The following ACVR1B variants were observed in gnomAD, a reference collection of about 807,000 sequenced individuals.
The protein encoded by ACVR1B is activin receptor type-1B.
ACVR1B carries 15 observed loss-of-function variants against 55.6 expected under a neutral mutation model. The ratio of observed to expected loss-of-function variants is 0.27; its 90% CI spans 0.18 to 0.42. The LOEUF is 0.42. ACVR1B is among the 10% of genes least tolerant of loss of function. The pLI, the probability that ACVR1B is intolerant of heterozygous loss-of-function variation, is 1.00. For synonymous variants in ACVR1B, 247 were observed against 254.6 expected, an observed-to-expected ratio of 0.97 and a Z score of 0.28; for missense variants, 359 against 670.1, an observed-to-expected ratio of 0.54 and a Z score of 5.13.
intron 8 of ACVR1B, chr12:51,992,385 C>T (rs1029431097): frequency 3.4e-5 from 9 of 262,614 alleles, no homozygotes; most frequent in African/African-American, 2.0e-4. Flanking sequence ...CCTGTAGTCC[C>T]AGGTACTTGG....
At chr12:51,987,038 G>A in intron 7 of ACVR1B, 96 bp downstream of exon 7, 2 of 1,537,434 alleles carry the variant, frequency 1.3e-6, no homozygotes, top group South Asian at 1.1e-5. Flanking sequence ...ACAACCTGTT[G>A]GATGCCTGTT....
At chr12:51,987,218 C>T (rs566575017) in intron 7 of ACVR1B, 38 of 657,978 alleles carry the variant, frequency 5.8e-5, no homozygotes, top group East Asian at 3.8e-4. Flanking sequence ...TTTATTAGTC[C>T]GTGGCGGGGA....
intron 3 of ACVR1B, among the ~76,000 whole-genome samples, chr12:51,980,364 C>T (rs540568400): frequency 6.6e-6 from 1 of 152,214 alleles, no homozygotes; most frequent in African/African-American, 2.4e-5. Flanking sequence ...TTGAATGAGT[C>T]AAATGAAGCA....
At chr12:51,973,201 G>C (rs1305104795) in intron 1 of ACVR1B, among the ~76,000 whole-genome samples, 1 of 152,216 alleles carries the variant, frequency 6.6e-6, no homozygotes, top group African/African-American at 2.4e-5. Flanking sequence ...CCTCTAATTG[G>C]TGGGCTCTGG....
Position 51,994,360 on chromosome 12 carries a change from A to G in ACVR1B, c.*250A>G. The G allele has an allele frequency of 2.3e-6, 1 of 439,648 alleles. No individual in the cohort carries two copies. Among genetic ancestry groups the G allele is most frequent in the Non-Finnish European group, 4.1e-6 (1 of 244,116 alleles). 27.2% of individuals were successfully genotyped at this position (439,648 alleles called of 1,614,324 possible). On this transcript the variant is annotated 3_prime_UTR_variant, in exon 9 of 9. Transcript: ENST00000257963. The surrounding 1 kb of genome is among the most constrained non-coding windows in gnomAD (Gnocchi z 4.2). ...CGAATTGTGTGGAGAACTCAGTGCC[A>G]CACCTCGAACTGGTTGTAGTGGGAA...
rs1941834107 is a variant in ACVR1B, at chr12:51,975,605, A to G, written c.331+101A>G. ...TTGCCCACTCACTTGGTTTGACGAT[A>G]AAGATGCCTTTTGGATGTTCCCGAA... On this transcript the variant is annotated intron_variant, in intron 2 of 8. Transcript: ENST00000257963. 6.2e-6 allele frequency: 9 copies of G among 1,446,712 alleles called. No homozygotes were observed. In the East Asian group the frequency reaches 2.2e-4, roughly 35 times the overall value. The allele number at this position is 1,446,712 out of a possible 1,614,324, so 89.6% of individuals were successfully genotyped here. A position where few individuals can be genotyped will look rare whatever the true frequency, so the allele number is the denominator to read the frequency against.
chr12:51,959,049 A>G (rs1941465590), intron 1 of ACVR1B, among the ~76,000 whole-genome samples: 1 of 152,240 alleles, frequency 6.6e-6, no homozygotes, highest in African/African-American at 2.4e-5. Flanking sequence ...GGTGGACAAT[A>G]AACAAAAGTA....
At chr12:51,951,916 C>T in intron 1 of ACVR1B, 82 bp downstream of exon 1, 2 of 860,300 alleles carry the variant, frequency 2.3e-6, no homozygotes, top group Non-Finnish European at 3.1e-6. Flanking sequence ...CGCTGGACTA[C>T]AGCGCGCCCC....
At chr12:51,986,438 G>GTT (rs983067906) in intron 6 of ACVR1B, among the ~76,000 whole-genome samples, 1 of 152,046 alleles carries the variant, frequency 6.6e-6, no homozygotes, top group Non-Finnish European at 1.5e-5. Context: ...TTTTGTATTT[G>GTT]TAATAGAGAT....
chr12:51,965,760 G>A (rs1026402842), intron 1 of ACVR1B, among the ~76,000 whole-genome samples: 3 of 152,200 alleles, frequency 2.0e-5, no homozygotes, highest in African/African-American at 7.2e-5. Context: ...AGTGATTAGA[G>A]ACTGATTATC....
chr12:51,975,724 T>C (rs888543149), intron 2 of ACVR1B, among the ~76,000 whole-genome samples: 1 of 152,070 alleles, frequency 6.6e-6, no homozygotes, highest in Non-Finnish European at 1.5e-5. Flanking sequence ...GCCCGCAGTG[T>C]TTAGAGTAGT....
chr12:51,974,291 A>G (rs1941802245), intron 1 of ACVR1B, among the ~76,000 whole-genome samples: 2 of 152,210 alleles, frequency 1.3e-5, no homozygotes, highest in African/African-American at 4.8e-5. Context: ...CATGGGAGAC[A>G]GTGTTGGGGA....
At chr12:51,977,133 T>C (rs1439722687) in intron 3 of ACVR1B, among the ~76,000 whole-genome samples, 2 of 152,182 alleles carry the variant, frequency 1.3e-5, no homozygotes. Flanking sequence ...CTGCCTTTTG[T>C]TGACCAAGTC....
At chr12:51,974,525 G>A (rs780469890) in intron 1 of ACVR1B, among the ~76,000 whole-genome samples, 37 of 152,066 alleles carry the variant, frequency 2.4e-4, no homozygotes, top group South Asian at 6.2e-4. Flanking sequence ...GTGTGTGTGC[G>A]CGCGCACACT....
chr12:51,957,244 G>A (rs1470748470), intron 1 of ACVR1B, among the ~76,000 whole-genome samples: 1 of 151,806 alleles, frequency 6.6e-6, no homozygotes, highest in African/African-American at 2.4e-5. Flanking sequence ...TCAGGAGTTC[G>A]AGACCAGCCT....
chr12:51,952,517 G>A (rs1467704956), intron 1 of ACVR1B, among the ~76,000 whole-genome samples: 2 of 152,228 alleles, frequency 1.3e-5, no homozygotes, highest in African/African-American at 4.8e-5. Flanking sequence ...GCTATTTGGA[G>A]GAAGTGGGAC....
rs937596054 is a variant in ACVR1B, at chr12:51,994,717, C to T, written c.*607C>T. On this transcript the variant is annotated 3_prime_UTR_variant, in exon 9 of 9. Transcript: ENST00000257963. This position sits in a 1 kb window ranked among gnomAD's most constrained non-coding sequence, Gnocchi z 4.2. ...GCCTGGTTCGTGCCATGCCCTTACACGTGCGTGTGAGTGTGTGTGTGTGTC... is the reference window on the plus strand; with the variant it reads ...GCCTGGTTCGTGCCATGCCCTTACATGTGCGTGTGAGTGTGTGTGTGTGTC... 3 of 153,644 alleles carry T rather than the reference C, an allele frequency of 2.0e-5. No homozygotes were observed. The highest frequency in any genetic ancestry group is 4.8e-5 in the African/African-American group (2 of 41,464). 9.5% of individuals were successfully genotyped at this position (153,644 alleles called of 1,614,324 possible). A position where few individuals can be genotyped will look rare whatever the true frequency, so the allele number is the denominator to read the frequency against.
At chr12:51,983,746 C>T (rs1247712332) in intron 4 of ACVR1B, among the ~76,000 whole-genome samples, 1 of 152,180 alleles carries the variant, frequency 6.6e-6, no homozygotes, top group Non-Finnish European at 1.5e-5. Context: ...GTTCAGAATC[C>T]TACAGTTCAC....
intron 1 of ACVR1B, among the ~76,000 whole-genome samples, chr12:51,954,968 T>A (rs941182035): frequency 6.6e-6 from 1 of 152,218 alleles, no homozygotes; most frequent in Non-Finnish European, 1.5e-5. Flanking sequence ...TGTAGACCCC[T>A]TTCAGATTTC....
Sources: gnomAD v4.1 joint callset for allele counts (sites outside exome capture counted in the v4.1 genomes callset) on GRCh38, gnomAD v4.1.1 for gene constraint, Gnocchi (gnomAD v3.1) non-coding constraint, MANE v1.5 for transcripts, NCBI Gene and HGNC (gene_info 2026-07-23, HGNC 2026-07-21) for gene names.